SEC24C: variants seen among roughly 807,000 people sequenced by gnomAD.
The protein encoded by SEC24C is SEC24 homolog C, COPII component.
In SEC24C, 22 loss-of-function variants were observed where a neutral mutation model predicts 117.0. The observed-to-expected ratio is 0.19, with a 90% CI of 0.13 to 0.27. The LOEUF is 0.27. SEC24C is among the 10% of genes least tolerant of loss of function. SEC24C has a pLI of 1.00. For missense variants in SEC24C, 1,155 were observed against 1,375.1 expected, an observed-to-expected ratio of 0.84 and a Z score of 2.53; for synonymous variants, 506 against 529.4, an observed-to-expected ratio of 0.96 and a Z score of 0.61.
rs1466693704 is a variant in SEC24C, at chr10:73,767,040, CTCT to C, written c.1894-12_1894-10del. On this transcript the variant is annotated splice_polypyrimidine_tract_variant and intron_variant, in intron 13 of 22. Coordinates refer to ENST00000345254, the MANE Select transcript of SEC24C (RefSeq NM_198597.3). ...GAATAAAGAATAAACAAGTAGTCCTCTCTTTTTTCCTAGGCTGCTGAGTGTGCA... is the reference window on the plus strand; with the variant it reads ...GAATAAAGAATAAACAAGTAGTCCTCTTTTTCCTAGGCTGCTGAGTGTGCA... 8.2e-6 allele frequency: 13 copies of C among 1,594,240 alleles called. No homozygotes were observed. Among genetic ancestry groups the C allele is most frequent in the African/African-American group, 1.3e-5 (1 of 74,274 alleles).
In SEC24C at chr10:73,757,920, C is replaced by CAA. The variant is rs61625607; in HGVS notation, c.309-1675_309-1674dup. Among the ~76,000 whole-genome samples, 62 of 38,896 alleles carry CAA rather than the reference C, an allele frequency of 1.6e-3. 6 individuals are homozygous for CAA. Among genetic ancestry groups the CAA allele is most frequent in the Non-Finnish European group, 1.9e-3 (46 of 23,994 alleles). 25.5% of individuals were successfully genotyped at this position (38,896 alleles called of 152,430 possible). On this transcript the variant is annotated intron_variant, in intron 3 of 22. Coordinates refer to ENST00000345254, the MANE Select transcript of SEC24C (RefSeq NM_198597.3). Reference sequence around the variant, plus strand: ...TGGGTGACAGAGCGAGACCCTGTCTCAAAAAAAAAAAAAAAAAAAAAAAAA... The same window carrying CAA: ...TGGGTGACAGAGCGAGACCCTGTCTCAAAAAAAAAAAAAAAAAAAAAAAAAAA...
rs758169083 is a variant in SEC24C, at chr10:73,759,567, A to T, written c.309-55A>T. The stretch of plus-strand genomic sequence containing the variant: ...CCTGTATGATGTGACACTTCTGTAG[A>T]CTTCAAAGGGTGTCCTGGCCCCACT... On this transcript the variant is annotated intron_variant, in intron 3 of 22. Coordinates refer to ENST00000345254, the MANE Select transcript of SEC24C (RefSeq NM_198597.3). The T allele has an allele frequency of 5.0e-5, 69 of 1,369,800 alleles. No individual in the cohort carries two copies. The Middle Eastern group carries it at 9.6e-4, about 19-fold the overall frequency. The allele number at this position is 1,369,800 out of a possible 1,614,324, so 84.9% of individuals were successfully genotyped here.
chr10:73,755,088 G>A (rs988158726), intron 3 of SEC24C, among the ~76,000 whole-genome samples: 1 of 151,308 alleles, frequency 6.6e-6, no homozygotes, highest in Admixed American at 6.6e-5. Flanking sequence ...AGCCGAAATC[G>A]CACCGCTGCA....
In SEC24C at chr10:73,769,174, T is replaced by G; in HGVS notation, c.2424+22T>G. The G allele has an allele frequency of 6.2e-7, 1 of 1,612,874 alleles. No homozygotes were observed. The highest frequency in any genetic ancestry group is 8.5e-7 in the Non-Finnish European group (1 of 1,179,478). On this transcript the variant is annotated intron_variant, in intron 17 of 22. Transcript: ENST00000345254. This position sits in a 1 kb window ranked among gnomAD's most constrained non-coding sequence, Gnocchi z 4.5. ...GCAGGTGGCAGGCGGGAGGCGGGGC[T>G]GGGCAGGAAGTGTTTCATTCGCTTG...
chr10:73,763,986 G>A lies in SEC24C; in HGVS notation c.1227+3G>A. 1 of 1,578,320 alleles carries A rather than the reference G, an allele frequency of 6.3e-7. No individual in the cohort carries two copies. Among genetic ancestry groups the A allele is most frequent in the Non-Finnish European group, 8.6e-7 (1 of 1,159,326 alleles). ...TGGCAAGGCTGCCCCCAGAGGAGGT[G>A]AGTCAGGGAAGGGGCTAGAGTGTAA... On this transcript the variant is annotated splice_donor_region_variant and intron_variant, in intron 8 of 22. Coordinates refer to ENST00000345254, the MANE Select transcript of SEC24C (RefSeq NM_198597.3).
Position 73,766,166 on chromosome 10 carries a change from G to C in SEC24C, c.1563G>C (p.Arg521Ser), listed in dbSNP as rs200985881. Residue 521 changes from arginine to serine, a missense_variant, in exon 11 of 23, where the codon AGG becomes AGC. Coordinates refer to ENST00000345254, the MANE Select transcript of SEC24C (RefSeq NM_198597.3). ...SYNAIRTGLV[R>S]LLCEELKSLL... The stretch of plus-strand genomic sequence containing the variant: ...ATGCCATCAGGACTGGTCTTGTTAG[G>C]CTCCTCTGTGAGGAGCTCAAGTCAC... 339 of 1,613,748 alleles carry C rather than the reference G, an allele frequency of 2.1e-4. No homozygotes were observed. The highest frequency in any genetic ancestry group is 3.7e-4 in the Admixed American group (22 of 59,982).
At chr10:73,761,969 A>G (rs1417848739) in intron 6 of SEC24C, 1 of 509,234 alleles carries the variant, frequency 2.0e-6, no homozygotes, top group Non-Finnish European at 3.4e-6. Flanking sequence ...GCTTGATTTC[A>G]GCAATATGAG....
chr10:73,751,857 G>T (rs984866707), intron 3 of SEC24C: 5 of 152,222 alleles, frequency 3.3e-5, no homozygotes, highest in Admixed American at 3.3e-4. Flanking sequence ...TTGCAGTCCT[G>T]TTGAGACTAC....
chr10:73,760,200 C>T lies in SEC24C; in HGVS notation c.664C>T (p.Arg222Trp), dbSNP rs771438137. Residue 222 changes from arginine (R) to tryptophan (W), a missense_variant, in exon 5 of 23, where the codon CGG becomes TGG. Physicochemically the swap from Arg to Trp is moderately radical, Grantham distance 101. Coordinates refer to ENST00000345254, the MANE Select transcript of SEC24C (RefSeq NM_198597.3). ...CACACCCCCAGCTTCAGGGGGTCCTCGGCTGCCTTCGATGACTGGTCCACT... is the reference window on the plus strand; with the variant it reads ...CACACCCCCAGCTTCAGGGGGTCCTTGGCTGCCTTCGATGACTGGTCCACT... ...SFTPPASGGP[R>W]LPSMTGPLLP... 30 of 1,614,038 alleles carry T rather than the reference C, an allele frequency of 1.9e-5. No homozygotes were observed. Among genetic ancestry groups the T allele is most frequent in the African/African-American group, 4.0e-5 (3 of 74,910 alleles).
chr10:73,758,213 C>T (rs192554521), intron 3 of SEC24C, among the ~76,000 whole-genome samples: 3 of 150,792 alleles, frequency 2.0e-5, no homozygotes, highest in East Asian at 2.0e-4. Flanking sequence ...CCAGCCTGGG[C>T]GACAGAGTGA....
intron 7 of SEC24C, 66 bp downstream of exon 7, chr10:73,763,667 CTTTTTTTTTTT>C (rs71021569): frequency 1.3e-3 from 81 of 60,488 alleles, no homozygotes; most frequent in African/African-American, 4.7e-3. Context: ...ATGGTTGGGG[CTTTTTTTTTTT>C]TTTTTTTTTT....
In SEC24C at chr10:73,768,810, G is replaced by A; in HGVS notation, c.2182G>A (p.Val728Met). 2 of 1,613,078 alleles carry A rather than the reference G, an allele frequency of 1.2e-6. No individual in the cohort carries two copies. Among genetic ancestry groups the A allele is most frequent in the Non-Finnish European group, 1.7e-6 (2 of 1,180,020 alleles). Reference sequence around the variant, plus strand: ...TGACTCTGGACCTGGGGGCCTGCAGGTGGAGAACGACCAGGAGCGGTTCCT... The same window carrying A: ...TGACTCTGGACCTGGGGGCCTGCAGATGGAGAACGACCAGGAGCGGTTCCT... ...GSVYKYASFQ[V>M]ENDQERFLSD... is the part of the protein sequence containing the mutation. Residue 728 changes from valine to methionine, a missense_variant and splice_region_variant, in exon 16 of 23, where the codon GTG (valine) becomes ATG (methionine). This residue lies in a region of SEC24C where 759 missense variants were observed against 992.3 expected (regional missense o/e 0.76). Coordinates refer to ENST00000345254, the MANE Select transcript of SEC24C (RefSeq NM_198597.3).
Position 73,769,869 on chromosome 10 carries a change from G to C in SEC24C, c.2716G>C (p.Val906Leu). The change falls in exon 20 of 23, where the codon GTT becomes CTT. Residue 906 changes from valine to leucine, a missense_variant. By Grantham distance (32) the Val-to-Leu change is conservative. Around this residue, in one of 2 missense-constraint regions of SEC24C, gnomAD observed 759 missense variants for 992.3 expected, o/e 0.76. Coordinates refer to ENST00000345254, the MANE Select transcript of SEC24C (RefSeq NM_198597.3). This position sits in a 1 kb window ranked among gnomAD's most constrained non-coding sequence, Gnocchi z 4.5. The part of the protein sequence containing the change: ...ILPECMKLLP[V>L]YLNCVLKSDV... ...TCCTGAGTGCATGAAGCTACTCCCA[G>C]TTTACCTGAACTGTGTGTTGAAGAG... 1 of 1,614,194 alleles carries C rather than the reference G, an allele frequency of 6.2e-7. No individual in the cohort carries two copies. Among genetic ancestry groups the C allele is most frequent in the Non-Finnish European group, 8.5e-7 (1 of 1,180,026 alleles).
chr10:73,750,792 C>G (rs897485331), intron 2 of SEC24C, among the ~76,000 whole-genome samples: 1 of 152,106 alleles, frequency 6.6e-6, no homozygotes, highest in Non-Finnish European at 1.5e-5. Context: ...GGCTTGTTGT[C>G]TAGGGTAAGA....
In SEC24C at chr10:73,769,379, G is replaced by A; in HGVS notation, c.2457G>A (p.Gln819=). 1.2e-6 allele frequency: 2 copies of A among 1,614,082 alleles called. No homozygotes were observed. Among genetic ancestry groups the A allele is most frequent in the South Asian group, 1.1e-5 (1 of 91,046 alleles). Residue 819 remains glutamine (Q), a synonymous_variant, in exon 18 of 23, where the codon CAG becomes CAA. Transcript: ENST00000345254. This position sits in a 1 kb window ranked among gnomAD's most constrained non-coding sequence, Gnocchi z 4.5. The stretch of plus-strand genomic sequence containing the variant: ...TGCTTTACACCAGCTGTGCAGGGCA[G>A]CGTCGGCTCCGCATCCATAATCTGG... ...CALLYTSCAG[Q]RRLRIHNLAL... is the part of the protein sequence containing the mutation.
Position 73,772,112 on chromosome 10 carries a change from T to C in SEC24C, c.*1017T>C. On this transcript the variant is annotated 3_prime_UTR_variant, in exon 23 of 23. Coordinates refer to ENST00000345254, the MANE Select transcript of SEC24C (RefSeq NM_198597.3). ...CTCTCATTTCTCTTCATTGGTTTATTTTTCAATGCATCTTTAATTTGTAAA... is the reference window on the plus strand; with the variant it reads ...CTCTCATTTCTCTTCATTGGTTTATCTTTCAATGCATCTTTAATTTGTAAA... 2.4e-6 allele frequency: 1 copy of C among 418,810 alleles called. No homozygotes were observed. The highest frequency in any genetic ancestry group is 4.2e-6 in the Non-Finnish European group (1 of 238,844). The allele number at this position is 418,810 out of a possible 1,614,324, so 25.9% of individuals were successfully genotyped here. A position where few individuals can be genotyped will look rare whatever the true frequency, so the allele number is the denominator to read the frequency against.
chr10:73,746,915 A>G lies in SEC24C; in HGVS notation c.83A>G (p.Tyr28Cys), dbSNP rs2082562759. ...PIYPGYHQSS[Y>C]GGQSGSTAPA... ...TACCCAGGGTATCATCAGTCCAGCT[A>G]TGGTGGGCAATCAGGGTCCACAGCC... Residue 28 changes from tyrosine to cysteine, a missense_variant, in exon 2 of 23, where the codon TAT becomes TGT. Coordinates refer to ENST00000345254, the MANE Select transcript of SEC24C (RefSeq NM_198597.3). 1 of 1,614,062 alleles carries G rather than the reference A, an allele frequency of 6.2e-7. No individual in the cohort carries two copies. Among genetic ancestry groups the G allele is most frequent in the East Asian group, 2.2e-5 (1 of 44,868 alleles).
chr10:73,755,780 T>A (rs1284405335), intron 3 of SEC24C, among the ~76,000 whole-genome samples: 3 of 151,990 alleles, frequency 2.0e-5, no homozygotes, highest in Non-Finnish European at 4.4e-5. Context: ...ACAAAAAAAA[T>A]TTTTAAGTGC....
intron 7 of SEC24C, 66 bp downstream of exon 7, chr10:73,763,667 CTTTTTTTTTTTTTTTTTT>C (rs71021569): frequency 1.5e-3 from 89 of 60,488 alleles, no homozygotes; most frequent in South Asian, 0.011. Flanking sequence ...ATGGTTGGGG[CTTTTTTTTTTTTTTTTTT>C]TTTTTTTTTT....
Sources: gnomAD v4.1 joint callset for allele counts (sites outside exome capture counted in the v4.1 genomes callset) on GRCh38, gnomAD v4.1.1 for gene constraint, gnomAD v4.1.1 regional missense constraint, Gnocchi (gnomAD v3.1) non-coding constraint, MANE v1.5 for transcripts, NCBI Gene and HGNC (gene_info 2026-07-23, HGNC 2026-07-21) for gene names.